PTPRD: variants seen among roughly 807,000 people sequenced by gnomAD.
PTPRD encodes protein tyrosine phosphatase receptor type D, also known as receptor-type tyrosine-protein phosphatase delta.
A neutral mutation model predicts 214.5 loss-of-function variants in PTPRD; 34 were observed. The observed-to-expected ratio is 0.16, with a 90% CI of 0.12 to 0.21. The LOEUF (loss-of-function observed/expected upper bound fraction) is 0.21. Among genes scored for constraint, PTPRD ranks in the 10% least tolerant of loss-of-function variants. The pLI is 1.00. For synonymous variants in PTPRD, 1,128 were observed against 845.7 expected (o/e 1.33, Z -5.79); for missense variants, 2,545 against 2,398.7 (o/e 1.06, Z -1.27).
chr9:10,336,102 G>GTAAATACCA (rs2096839573), intron 3 of PTPRD, among the ~76,000 whole-genome samples: 1 of 151,712 alleles, frequency 6.6e-6, no homozygotes, highest in Non-Finnish European at 1.5e-5. Context: ...TTACCCCACG[G>GTAAATACCA]AGCTGAAAAC....
chr9:9,245,934 A>G (rs1466768068), intron 9 of PTPRD, among the ~76,000 whole-genome samples: 2 of 152,066 alleles, frequency 1.3e-5, no homozygotes, highest in African/African-American at 2.4e-5. Context: ...GATATTTTTA[A>G]AAGTCCAGTC....
chr9:9,402,461 C>T (rs1488832934), intron 8 of PTPRD, among the ~76,000 whole-genome samples: 3 of 152,054 alleles, frequency 2.0e-5, no homozygotes, highest in Non-Finnish European at 2.9e-5. Context: ...TGTGTTGTTA[C>T]CTCATACATT....
intron 10 of PTPRD, among the ~76,000 whole-genome samples, chr9:9,102,335 A>G (rs1191494589): frequency 1.3e-5 from 2 of 152,202 alleles, no homozygotes; most frequent in African/African-American, 2.4e-5. Flanking sequence ...ATGGCCACCA[A>G]CAGGTAGTGC....
chr9:8,911,419 G>GTGTGTGTGTGTGTA (rs2098747396), intron 11 of PTPRD, among the ~76,000 whole-genome samples: 2 of 148,138 alleles, frequency 1.4e-5, no homozygotes, highest in Non-Finnish European at 1.5e-5. Flanking sequence ...TGTGTGTTGT[G>GTGTGTGTGTGTGTA]TGTGTGTGTG....
At chr9:9,865,050 A>G (rs932094679) in intron 5 of PTPRD, among the ~76,000 whole-genome samples, 1 of 133,386 alleles carries the variant, frequency 7.5e-6, no homozygotes, top group Non-Finnish European at 1.5e-5. Context: ...AGTGTGATGT[A>G]TTTTATTGTG....
chr9:8,474,313 G>A (rs2096719454), intron 30 of PTPRD, among the ~76,000 whole-genome samples: 1 of 151,952 alleles, frequency 6.6e-6, no homozygotes, highest in South Asian at 2.1e-4. Flanking sequence ...ATTCTTTTGC[G>A]GGGTTCATGG....
chr9:9,194,395 G>A (rs2099937029), intron 9 of PTPRD, among the ~76,000 whole-genome samples: 1 of 152,122 alleles, frequency 6.6e-6, no homozygotes, highest in South Asian at 2.1e-4. Context: ...ATTATGTACT[G>A]TACATAATTT....
intron 4 of PTPRD, among the ~76,000 whole-genome samples, chr9:9,943,930 C>G (rs774719610): frequency 1.3e-5 from 2 of 152,158 alleles, no homozygotes; most frequent in Non-Finnish European, 2.9e-5. Context: ...ACCAATGTCT[C>G]ACTAAATATA....
At chr9:9,877,609 T>C (rs542609216) in intron 5 of PTPRD, among the ~76,000 whole-genome samples, 118 of 152,200 alleles carry the variant, frequency 7.8e-4, no homozygotes, top group African/African-American at 2.6e-3. Context: ...AAAGAATTCT[T>C]AATTATTGTG....
chr9:9,863,423 A>G (rs1412261989), intron 5 of PTPRD, among the ~76,000 whole-genome samples: 1 of 152,180 alleles, frequency 6.6e-6, no homozygotes, highest in East Asian at 1.9e-4. Context: ...TTTGGGGGCA[A>G]GGAGGGTATA....
intron 9 of PTPRD, among the ~76,000 whole-genome samples, chr9:9,339,171 G>A (rs575117608): frequency 6.6e-6 from 1 of 152,036 alleles, no homozygotes; most frequent in Non-Finnish European, 1.5e-5. Flanking sequence ...GTTAATAGAG[G>A]AAGCATGTAA....
rs1488505106 is a variant in PTPRD at position 8,903,670 on chromosome 9, G to T, written c.-104+115027C>A. Among the ~76,000 whole-genome samples, 4 of 152,102 alleles carry T rather than the reference G, an allele frequency of 2.6e-5. No individual in the cohort carries two copies. In the East Asian group the frequency reaches 7.7e-4, roughly 29 times the overall value. The stretch of plus-strand genomic sequence containing the variant: ...AAATATTTCAATGCTACATATTAAT[G>T]AATTATAGTAAGTAATTATCTTCTG... On this transcript the variant is annotated intron_variant, in intron 11 of 45. Coordinates refer to ENST00000381196, the MANE Select transcript of PTPRD (RefSeq NM_002839.4).
At chr9:9,392,679 T>C (rs2066287827) in intron 9 of PTPRD, among the ~76,000 whole-genome samples, 1 of 152,188 alleles carries the variant, frequency 6.6e-6, no homozygotes, top group Non-Finnish European at 1.5e-5. Flanking sequence ...ACCTTGCTTT[T>C]ACGTAACACT....
At chr9:9,457,637 G>C (rs1465086230) in intron 8 of PTPRD, among the ~76,000 whole-genome samples, 1 of 152,024 alleles carries the variant, frequency 6.6e-6, no homozygotes, top group Non-Finnish European at 1.5e-5. Context: ...GTGAGTTTTA[G>C]AGACATGTTC....
chr9:10,544,097 A>T (rs1331408548), intron 2 of PTPRD, among the ~76,000 whole-genome samples: 1 of 152,214 alleles, frequency 6.6e-6, no homozygotes, highest in Admixed American at 6.5e-5. Context: ...ATAGTTTATA[A>T]GGAACAATAA....
intron 11 of PTPRD, among the ~76,000 whole-genome samples, chr9:8,802,173 T>G (rs1341982740): frequency 6.6e-6 from 1 of 152,082 alleles, no homozygotes; most frequent in Non-Finnish European, 1.5e-5. Context: ...ATTAATAAAC[T>G]CTAACTAGAG....
chr9:10,337,821 A>C (rs1416900047), intron 3 of PTPRD, among the ~76,000 whole-genome samples: 1 of 151,718 alleles, frequency 6.6e-6, no homozygotes, highest in African/African-American at 2.4e-5. Context: ...CAAATAGCAA[A>C]TGGTGGAACC....
chr9:9,965,506 G>T (rs1458318009), intron 4 of PTPRD, among the ~76,000 whole-genome samples: 1 of 152,122 alleles, frequency 6.6e-6, no homozygotes, highest in Non-Finnish European at 1.5e-5. Flanking sequence ...GTAGACAGCA[G>T]GTCAGTTCAA....
At chr9:9,069,033 G>C (rs887488651) in intron 10 of PTPRD, among the ~76,000 whole-genome samples, 3 of 152,044 alleles carry the variant, frequency 2.0e-5, no homozygotes, top group Non-Finnish European at 2.9e-5. Context: ...AAAATAAAAA[G>C]CACCCACTTA....
Sources: allele counts gnomAD v4.1 joint callset (sites outside exome capture counted in the v4.1 genomes callset), GRCh38; gene constraint gnomAD v4.1.1; transcripts MANE v1.5; gene names NCBI Gene and HGNC (gene_info 2026-07-23, HGNC 2026-07-21).